Variants in PALS1 observed in about 807,000 individuals in gnomAD.
PALS1 encodes the protein protein associated with LIN7 1, MAGUK p55 family member, also known as protein PALS1.
In PALS1, 31 loss-of-function variants were observed where a neutral mutation model predicts 78.9. The observed-to-expected ratio is 0.39, with a 90% CI of 0.30 to 0.53. The LOEUF is 0.53. Among genes scored for constraint, PALS1 ranks in the 20% least tolerant of loss-of-function variants. PALS1 has a pLI of 0.67. For missense variants in PALS1, 704 were observed against 826.5 expected (o/e 0.85, Z 1.82); for synonymous variants, 276 against 270.9 (o/e 1.02, Z -0.18).
chr14:67,305,501 G>A (rs1006662317), intron 8 of PALS1, among the ~76,000 whole-genome samples: 5 of 152,122 alleles, frequency 3.3e-5, no homozygotes, highest in African/African-American at 9.7e-5. Context: ...GGCTAGTCTC[G>A]AACTCCTGAG....
intron 2 of PALS1, chr14:67,271,679 T>A (rs1274411939): frequency 6.6e-6 from 1 of 152,184 alleles, no homozygotes; most frequent in East Asian, 1.9e-4. Context: ...TTAGTTAGAA[T>A]TGAAAACAGG....
intron 1 of PALS1, among the ~76,000 whole-genome samples, chr14:67,257,011 C>G (rs542842130): frequency 3.0e-4 from 46 of 152,192 alleles, no homozygotes; most frequent in South Asian, 1.2e-3. Context: ...GATCGGGGTA[C>G]AGCTTTTTTT....
chr14:67,260,644 TGAA>T (rs1408903864), intron 1 of PALS1, among the ~76,000 whole-genome samples: 1 of 152,090 alleles, frequency 6.6e-6, no homozygotes, highest in Non-Finnish European at 1.5e-5. Context: ...GATAAAAAGT[TGAA>T]GAGAGGATTT....
chr14:67,322,190 TA>T (rs954836082), intron 13 of PALS1, among the ~76,000 whole-genome samples: 1 of 151,622 alleles, frequency 6.6e-6, no homozygotes, highest in Non-Finnish European at 1.5e-5. Context: ...TACCAAAAAT[TA>T]AAAAAAATTA....
chr14:67,273,808 G>A lies in PALS1; in HGVS notation c.-154+4025G>A, dbSNP rs143211254. Among the ~76,000 whole-genome samples the A allele has an allele frequency of 3.5e-3, 537 of 152,220 alleles. 5 individuals carry two copies. The highest frequency in any genetic ancestry group is 0.011 in the African/African-American group (449 of 41,526). On this transcript the variant is annotated intron_variant, in intron 2 of 14. Transcript: ENST00000261681. The stretch of plus-strand genomic sequence containing the variant: ...TGTTGTTTCCGACTTTTTAATGATC[G>A]CCATTCTAACTGGTGTGAGATGGTA...
chr14:67,306,422 G>A (rs1340489489), intron 8 of PALS1, among the ~76,000 whole-genome samples: 1 of 151,922 alleles, frequency 6.6e-6, no homozygotes, highest in Non-Finnish European at 1.5e-5. Flanking sequence ...TTGGCTCACT[G>A]TAACCTCTGC....
intron 14 of PALS1, among the ~76,000 whole-genome samples, chr14:67,331,030 T>TG (rs2085440919): frequency 6.6e-6 from 1 of 152,006 alleles, no homozygotes; most frequent in Admixed American, 6.6e-5. Flanking sequence ...CTACTTAAGT[T>TG]TTTTTCTCCT....
intron 8 of PALS1, among the ~76,000 whole-genome samples, chr14:67,310,169 G>A (rs1024349842): frequency 4.0e-5 from 6 of 151,764 alleles, no homozygotes; most frequent in African/African-American, 1.5e-4. Context: ...TCTCTTAACT[G>A]TGTTTTGATT....
chr14:67,326,969 G>A (rs2085367777), intron 14 of PALS1, among the ~76,000 whole-genome samples: 1 of 152,086 alleles, frequency 6.6e-6, no homozygotes, highest in African/African-American at 2.4e-5. Flanking sequence ...GAGGTGAGGA[G>A]TTTGAGACCA....
intron 8 of PALS1, among the ~76,000 whole-genome samples, chr14:67,310,849 G>A (rs992709999): frequency 1.3e-5 from 2 of 152,042 alleles, no homozygotes; most frequent in Non-Finnish European, 2.9e-5. Context: ...ATCTATCTAT[G>A]TCTATCTTTG....
intron 6 of PALS1, 127 bp from the exon 7 acceptor site, chr14:67,302,283 A>C: frequency 1.9e-6 from 2 of 1,063,094 alleles, no homozygotes; most frequent in Non-Finnish European, 2.5e-6. Context: ...CTAGTTGTGT[A>C]AATAAATTTT....
intron 1 of PALS1, chr14:67,254,185 T>TC (rs1269302888): frequency 2.7e-5 from 3 of 110,366 alleles, no homozygotes; most frequent in Non-Finnish European, 4.7e-5. Context: ...TGTCTTTCTT[T>TC]TTTTTTTTTT....
At chr14:67,313,733 G>A (rs1175070980) in intron 9 of PALS1, among the ~76,000 whole-genome samples, 2 of 151,972 alleles carry the variant, frequency 1.3e-5, no homozygotes, top group Middle Eastern at 3.4e-3. Flanking sequence ...GATAAACTTC[G>A]CTTACATACT....
At chr14:67,273,865 A>T (rs2084455451) in intron 2 of PALS1, among the ~76,000 whole-genome samples, 1 of 152,166 alleles carries the variant, frequency 6.6e-6, no homozygotes, top group African/African-American at 2.4e-5. Flanking sequence ...CATTTCTTTG[A>T]TGACCAGTGA....
intron 11 of PALS1, among the ~76,000 whole-genome samples, chr14:67,319,724 C>T (rs1360719709): frequency 6.6e-6 from 1 of 152,130 alleles, no homozygotes; most frequent in Admixed American, 6.6e-5. Context: ...TCATGGGCCA[C>T]GGGTTGGACG....
chr14:67,331,012 T>C (rs1477495990), intron 14 of PALS1, among the ~76,000 whole-genome samples: 1 of 152,048 alleles, frequency 6.6e-6, no homozygotes, highest in Admixed American at 6.6e-5. Flanking sequence ...TATCTGATTG[T>C]ATTTATTCTA....
At chr14:67,317,382 T>C (rs777503455) in intron 10 of PALS1, 26 bp from the exon 11 acceptor site, 35 of 1,571,546 alleles carry the variant, frequency 2.2e-5, no homozygotes, top group Admixed American at 3.5e-5. Context: ...AACACATTTA[T>C]AGTTATGTTT....
In PALS1 at chr14:67,271,622, T is replaced by C. The variant is rs117184631; in HGVS notation, c.-154+1839T>C. 3.6e-3 allele frequency: 551 copies of C among 152,362 alleles called. 1 individual carries two copies. Among genetic ancestry groups the C allele is most frequent in the Non-Finnish European group, 6.7e-3 (453 of 68,070 alleles). 9.4% of individuals were successfully genotyped at this position (152,362 alleles called of 1,614,324 possible). ...CCTAGGCAGTCTGATTCTGGAGGCT[T>C]TTCTCTTAAACATGCTGTCTTGGGT... On this transcript the variant is annotated intron_variant, in intron 2 of 14. Transcript: ENST00000261681.
chr14:67,279,793 T>G, intron 3 of PALS1: 17 of 355,204 alleles, frequency 4.8e-5, no homozygotes, highest in Admixed American at 9.3e-5. Context: ...GCATGGGCCC[T>G]AACATTTAAA....
Sources: allele counts gnomAD v4.1 joint callset (sites outside exome capture counted in the v4.1 genomes callset), GRCh38; gene constraint gnomAD v4.1.1; transcripts MANE v1.5; gene names NCBI Gene and HGNC (gene_info 2026-07-23, HGNC 2026-07-21).